MEIS3: variants seen among roughly 807,000 people sequenced by gnomAD.
The protein encoded by MEIS3 is homeobox protein Meis3.
In MEIS3, 38 loss-of-function variants were observed where a neutral mutation model predicts 51.4. The observed-to-expected ratio is 0.74, with a 90% CI of 0.57 to 0.97. MEIS3 has a LOEUF of 0.97. MEIS3 is among the 50% of genes least tolerant of loss of function. The pLI is 0.00. For synonymous variants in MEIS3, 198 were observed against 201.8 expected, an observed-to-expected ratio of 0.98 and a Z score of 0.16; for missense variants, 456 against 502.6, an observed-to-expected ratio of 0.91 and a Z score of 0.89.
intron 6 of MEIS3, among the ~76,000 whole-genome samples, chr19:47,413,842 C>G (rs950456264): frequency 5.9e-5 from 9 of 151,880 alleles, no homozygotes; most frequent in Non-Finnish European, 1.0e-4. Context: ...ATTCTCCTGC[C>G]TCAGCCTCCT....
chr19:47,417,605 G>A (rs1971512870), intron 1 of MEIS3: 5 of 703,302 alleles, frequency 7.1e-6, no homozygotes, highest in East Asian at 2.7e-5. Context: ...AGGGAGAGAC[G>A]GCAGGGTCTG....
chr19:47,420,759 AATTG>A (rs1971677237), upstream of MEIS3, among the ~76,000 whole-genome samples: 2 of 148,728 alleles, frequency 1.3e-5, no homozygotes, highest in East Asian at 2.0e-4. Context: ...GTGGGAGAGA[AATTG>A]ATTGGGGGAG....
At chr19:47,409,378 C>A in intron 7 of MEIS3, 58 bp downstream of exon 7, 1 of 1,579,546 alleles carries the variant, frequency 6.3e-7, no homozygotes, top group Non-Finnish European at 8.7e-7. Context: ...TACTTGCGAT[C>A]TAACTTCAAT....
intron 6 of MEIS3, among the ~76,000 whole-genome samples, chr19:47,410,376 A>G (rs1599809329): frequency 7.1e-6 from 1 of 140,608 alleles, no homozygotes; most frequent in East Asian, 2.1e-4. Context: ...TGAACCCGGG[A>G]GGGGGAGGTT....
upstream of MEIS3, among the ~76,000 whole-genome samples, chr19:47,419,847 G>GC (rs1425301540): frequency 6.6e-6 from 1 of 151,972 alleles, no homozygotes; most frequent in Non-Finnish European, 1.5e-5. Flanking sequence ...TGTTCTCCGA[G>GC]CCCCCTGGAC....
intron 12 of MEIS3, among the ~76,000 whole-genome samples, chr19:47,405,755 G>A (rs1008385623): frequency 6.6e-6 from 1 of 151,956 alleles, no homozygotes; most frequent in South Asian, 2.1e-4. Context: ...TTACCATGTT[G>A]GCCAGGCTGG....
chr19:47,406,313 G>T, intron 12 of MEIS3, 147 bp downstream of exon 12: 1 of 587,946 alleles, frequency 1.7e-6, no homozygotes, highest in Non-Finnish European at 3.1e-6. Flanking sequence ...ACGGACAGAT[G>T]GATGAATATC....
intron 8 of MEIS3, chr19:47,407,694 AG>A: frequency 2.4e-6 from 1 of 415,164 alleles, no homozygotes; most frequent in Non-Finnish European, 3.6e-6. Flanking sequence ...GTGTTGGGGG[AG>A]GGGGCTCCTG....
upstream of MEIS3, among the ~76,000 whole-genome samples, chr19:47,422,208 G>A (rs1971731152): frequency 6.6e-6 from 1 of 151,892 alleles, no homozygotes; most frequent in Non-Finnish European, 1.5e-5. Context: ...CGGCTCAGCG[G>A]TGGCGGGAAG....
chr19:47,420,585 GTGAGAC>G (rs1347902111), upstream of MEIS3, among the ~76,000 whole-genome samples: 5 of 46,240 alleles, frequency 1.1e-4, no homozygotes, highest in Non-Finnish European at 2.0e-4. Flanking sequence ...TGCAGACAGA[GTGAGAC>G]AGACAGGAGG....
rs1465852108 is a variant in MEIS3, at chr19:47,408,127, CTCTT to C, written c.859-703_859-700del. Among the ~76,000 whole-genome samples the C allele has an allele frequency of 4.0e-5, 6 of 151,770 alleles. No individual in the cohort carries two copies. In the South Asian group the frequency reaches 1.0e-3, roughly 26 times the overall value. Reference sequence around the variant, plus strand: ...GCCCTCCCTATCCATTTCTTTCTTTCTCTTTCTCTCTTTTTTTTAAACAGGGTCT... The same window carrying C: ...GCCCTCCCTATCCATTTCTTTCTTTCTCTCTCTTTTTTTTAAACAGGGTCT... On this transcript the variant is annotated intron_variant, in intron 8 of 12. Coordinates refer to ENST00000558555, the MANE Select transcript of MEIS3 (RefSeq NM_001301059.2).
chr19:47,421,272 A>G (rs925624031), upstream of MEIS3, among the ~76,000 whole-genome samples: 1 of 152,112 alleles, frequency 6.6e-6, no homozygotes, highest in Admixed American at 6.5e-5. Context: ...GGAGCCCTCT[A>G]TGAGTAGATC....
At chr19:47,421,899 T>C (rs920647418), upstream of MEIS3, among the ~76,000 whole-genome samples, 8 of 151,308 alleles carry the variant, frequency 5.3e-5, no homozygotes, top group African/African-American at 1.9e-4. Context: ...TCCGCCTCCC[T>C]GTCCCCCCCA....
intron 6 of MEIS3, among the ~76,000 whole-genome samples, chr19:47,410,311 G>C (rs1349019258): frequency 1.3e-5 from 2 of 152,102 alleles, no homozygotes; most frequent in African/African-American, 4.8e-5. Flanking sequence ...AGCTGGGCAT[G>C]ATGGTGGGTT....
rs978896444 is a variant in MEIS3 at position 47,403,181 on chromosome 19, G to C, written c.*390C>G. 3 of 239,740 alleles carry C rather than the reference G, an allele frequency of 1.3e-5. No homozygotes were observed. Among genetic ancestry groups the C allele is most frequent in the East Asian group, 1.6e-4 (1 of 6,220 alleles). The allele number at this position is 239,740 out of a possible 1,614,324, so 14.9% of individuals were successfully genotyped here. A position where few individuals can be genotyped will look rare whatever the true frequency, so the allele number is the denominator to read the frequency against. On this transcript the variant is annotated 3_prime_UTR_variant, in exon 13 of 13. Coordinates refer to ENST00000558555, the MANE Select transcript of MEIS3 (RefSeq NM_001301059.2). ...AGAAGAAATTAGAGAAGGGAGGTAG[G>C]GGGGACAGGAGAGTGAAGGAATCTC... is the stretch of plus-strand genomic sequence containing the variant.
rs1371506283 is a variant in MEIS3 at position 47,407,332 on chromosome 19, G to C, written c.935+20C>G. On this transcript the variant is annotated intron_variant, in intron 9 of 12. Transcript: ENST00000558555. The stretch of plus-strand genomic sequence containing the variant: ...GGCTCTCGCCCCGGGCCGGCCCGCG[G>C]GCCCTCCTGGGCCACTCACCAGTTG... The C allele has an allele frequency of 1.4e-5, 23 of 1,606,356 alleles. No individual in the cohort carries two copies. Among genetic ancestry groups the C allele is most frequent in the Non-Finnish European group, 2.0e-5 (23 of 1,177,082 alleles).
intron 6 of MEIS3, among the ~76,000 whole-genome samples, chr19:47,410,769 AAAAAG>A (rs1010403018): frequency 5.9e-5 from 9 of 152,190 alleles, no homozygotes; most frequent in Non-Finnish European, 8.8e-5. Flanking sequence ...CCGTCTCAAA[AAAAAG>A]AAAAGGAAAA....
chr19:47,417,738 A>G (rs1287180034), intron 1 of MEIS3: 12 of 684,216 alleles, frequency 1.8e-5, no homozygotes, highest in Non-Finnish European at 2.9e-5. Context: ...GTTGTACACA[A>G]AGTACACATA....
rs372604961 is a variant in MEIS3, at chr19:47,411,421, T to C, written c.598-1874A>G. Among the ~76,000 whole-genome samples, 253 of 152,334 alleles carry C rather than the reference T, an allele frequency of 1.7e-3. 1 individual carries two copies. Among genetic ancestry groups the C allele is most frequent in the African/African-American group, 5.8e-3 (243 of 41,576 alleles). On this transcript the variant is annotated intron_variant, in intron 6 of 12. Transcript: ENST00000558555. ...CCCCTCATTAGTTCAGGTCAGCTTTTGCTGCCAAATGAGTTTGCACTAAAT... is the reference window on the plus strand; with the variant it reads ...CCCCTCATTAGTTCAGGTCAGCTTTCGCTGCCAAATGAGTTTGCACTAAAT...
Sources: gnomAD v4.1 joint callset for allele counts (sites outside exome capture counted in the v4.1 genomes callset) on GRCh38, gnomAD v4.1.1 for gene constraint, MANE v1.5 for transcripts, NCBI Gene and HGNC (gene_info 2026-07-23, HGNC 2026-07-21) for gene names.